FHIT: variants seen among roughly 807,000 people sequenced by gnomAD.
The protein encoded by FHIT is bis(5'-adenosyl)-triphosphatase.
In FHIT, 19 loss-of-function variants were observed where a neutral mutation model predicts 17.9. That is an observed-to-expected ratio of 1.06 (90% CI 0.74 to 1.56). FHIT has a LOEUF of 1.56. FHIT is among the 40% of genes most tolerant of loss of function. The pLI is 0.00. For synonymous variants in FHIT, 81 were observed against 69.7 expected (o/e 1.16, Z -0.81); for missense variants, 248 against 189.2 (o/e 1.31, Z -1.82).
intron 8 of FHIT, among the ~76,000 whole-genome samples, chr3:59,858,236 CTTTTTTTT>C (rs563841299): frequency 8.3e-5 from 7 of 84,498 alleles, no homozygotes; most frequent in Non-Finnish European, 1.1e-4. Flanking sequence ...TTCCCACCTT[CTTTTTTTT>C]TTTTTTTTTT....
intron 5 of FHIT, among the ~76,000 whole-genome samples, chr3:60,290,343 C>G (rs961366407): frequency 4.6e-5 from 7 of 152,120 alleles, no homozygotes; most frequent in Admixed American, 1.3e-4. Context: ...CTAGTTATTT[C>G]CTTTTAACAA....
At chr3:60,294,476 T>G (rs1022032879) in intron 5 of FHIT, among the ~76,000 whole-genome samples, 10 of 152,156 alleles carry the variant, frequency 6.6e-5, no homozygotes, top group Non-Finnish European at 1.3e-4. Context: ...TCTAATTTTA[T>G]TATATACACT....
intron 8 of FHIT, among the ~76,000 whole-genome samples, chr3:59,810,042 C>T (rs1462473494): frequency 1.3e-5 from 2 of 152,060 alleles, no homozygotes; most frequent in Non-Finnish European, 2.9e-5. Flanking sequence ...GATAAGGGGA[C>T]TCAGAGTTTA....
intron 5 of FHIT, among the ~76,000 whole-genome samples, chr3:60,351,952 T>A (rs1699421101): frequency 1.3e-5 from 2 of 152,214 alleles, no homozygotes; most frequent in Admixed American, 1.3e-4. Context: ...TGTTCCTCCT[T>A]ATAGCTTGCT....
intron 5 of FHIT, among the ~76,000 whole-genome samples, chr3:60,082,752 G>C (rs1003901169): frequency 5.3e-5 from 8 of 152,000 alleles, no homozygotes; most frequent in Admixed American, 3.3e-4. Context: ...TTTCATGTTT[G>C]TTTGCTGCTT....
intron 5 of FHIT, among the ~76,000 whole-genome samples, chr3:60,033,032 A>G (rs1701066045): frequency 6.6e-6 from 1 of 152,186 alleles, no homozygotes; most frequent in South Asian, 2.1e-4. Context: ...GTTAAAAAAA[A>G]ATTCAATGGC....
intron 7 of FHIT, among the ~76,000 whole-genome samples, chr3:59,931,436 C>A (rs1039245364): frequency 1.3e-5 from 2 of 152,156 alleles, no homozygotes; most frequent in African/African-American, 4.8e-5. Flanking sequence ...ACTTACAGGA[C>A]TTTGAGGATA....
At chr3:59,753,483 C>T (rs1701031571) in intron 8 of FHIT, among the ~76,000 whole-genome samples, 2 of 152,104 alleles carry the variant, frequency 1.3e-5, no homozygotes, top group Admixed American at 1.3e-4. Context: ...TCTCCCTTAA[C>T]CTCCTATTAT....
intron 4 of FHIT, among the ~76,000 whole-genome samples, chr3:60,582,243 T>G (rs530230123): frequency 6.6e-6 from 1 of 152,186 alleles, no homozygotes; most frequent in East Asian, 1.9e-4. Flanking sequence ...TGAGAATCAT[T>G]TGAATATAGG....
At chr3:60,471,725 A>G (rs1322651383) in intron 5 of FHIT, among the ~76,000 whole-genome samples, 1 of 152,130 alleles carries the variant, frequency 6.6e-6, no homozygotes, top group Non-Finnish European at 1.5e-5. Context: ...TTTTGTATGT[A>G]CAGTTGTTCA....
At chr3:60,804,163 T>A (rs1701300621) in intron 4 of FHIT, among the ~76,000 whole-genome samples, 1 of 152,168 alleles carries the variant, frequency 6.6e-6, no homozygotes, top group East Asian at 1.9e-4. Context: ...AACACTTTTG[T>A]TTCATTGCAC....
chr3:60,114,574 C>A (rs2107193782), intron 5 of FHIT, among the ~76,000 whole-genome samples: 1 of 142,752 alleles, frequency 7.0e-6, no homozygotes, highest in South Asian at 2.3e-4. Flanking sequence ...GCTCACTGCA[C>A]TCTTCACCTC....
At chr3:59,886,815 C>T (rs577635073) in intron 8 of FHIT, among the ~76,000 whole-genome samples, 7 of 152,214 alleles carry the variant, frequency 4.6e-5, no homozygotes, top group East Asian at 3.9e-4. Flanking sequence ...CAATTATTTC[C>T]GCAGTCCAGT....
intron 8 of FHIT, among the ~76,000 whole-genome samples, chr3:59,909,483 C>A (rs749236752): frequency 6.6e-6 from 1 of 152,136 alleles, no homozygotes; most frequent in African/African-American, 2.4e-5. Context: ...GCACGCACCA[C>A]CACACCTGGC....
intron 4 of FHIT, among the ~76,000 whole-genome samples, chr3:60,556,701 T>C (rs899376640): frequency 6.6e-6 from 1 of 152,064 alleles, no homozygotes; most frequent in African/African-American, 2.4e-5. Flanking sequence ...CTGGGGTGGG[T>C]TTTGGAATAG....
At chr3:60,390,920 C>T (rs113780590) in intron 5 of FHIT, among the ~76,000 whole-genome samples, 343 of 152,222 alleles carry the variant, frequency 2.3e-3, no homozygotes, top group African/African-American at 8.0e-3. Flanking sequence ...TGGCTCATGC[C>T]TGTAATCCCA....
At chr3:59,828,353 A>T (rs1236507424) in intron 8 of FHIT, among the ~76,000 whole-genome samples, 1 of 152,204 alleles carries the variant, frequency 6.6e-6, no homozygotes, top group African/African-American at 2.4e-5. Flanking sequence ...CTAGAATGAA[A>T]GTTACTGTGT....
At chr3:60,190,903 C>T (rs926921262) in intron 5 of FHIT, among the ~76,000 whole-genome samples, 28 of 151,788 alleles carry the variant, frequency 1.8e-4, no homozygotes, top group African/African-American at 6.5e-4. Flanking sequence ...AGATTGCACC[C>T]TTGCACTCCA....
chr3:60,185,574 C>T (rs1366152709), intron 5 of FHIT, among the ~76,000 whole-genome samples: 1 of 152,110 alleles, frequency 6.6e-6, no homozygotes, highest in Admixed American at 6.6e-5. Flanking sequence ...AAAGCTGAGA[C>T]AAACATTCCA....
Sources: gnomAD v4.1 joint callset for allele counts (sites outside exome capture counted in the v4.1 genomes callset) on GRCh38, gnomAD v4.1.1 for gene constraint, MANE v1.5 for transcripts, NCBI Gene and HGNC (gene_info 2026-07-23, HGNC 2026-07-21) for gene names.